Variants in CYBRD1 observed in about 807,000 individuals in gnomAD.
CYBRD1 encodes the protein plasma membrane ascorbate-dependent reductase CYBRD1.
A neutral mutation model predicts 21.9 loss-of-function variants in CYBRD1; 14 were observed. The ratio of observed to expected loss-of-function variants is 0.64; its 90% CI spans 0.42 to 1.00. The LOEUF (loss-of-function observed/expected upper bound fraction) is 1.00, where lower values mean the gene tolerates loss of function less well. CYBRD1 is among the 50% of genes least tolerant of loss of function. CYBRD1 has a pLI of 0.00. For missense variants in CYBRD1, 328 were observed against 352.5 expected, an observed-to-expected ratio of 0.93 and a Z score of 0.56; for synonymous variants, 146 against 136.5, an observed-to-expected ratio of 1.07 and a Z score of -0.48.
At position 171,541,697 on chromosome 2, in the gene CYBRD1, G is replaced by A; in HGVS notation, c.306G>A (p.Val102=). ...CCATTCTTGCAATTATCTCTGTGGT[G>A]GCCGTGTTTGAGAACCACAATGTTA... ...VAAILAIISV[V]AVFENHNVNN... The change falls in exon 2 of 4, where the codon GTG becomes GTA. Residue 102 remains valine (V), a synonymous_variant. Transcript: ENST00000321348. 6.2e-7 allele frequency: 1 copy of A among 1,613,236 alleles called. No individual in the cohort carries two copies. Among genetic ancestry groups the A allele is most frequent in the Non-Finnish European group, 8.5e-7 (1 of 1,179,826 alleles).
At chr2:171,531,284 T>C (rs751598172) in intron 1 of CYBRD1, among the ~76,000 whole-genome samples, 4 of 152,230 alleles carry the variant, frequency 2.6e-5, no homozygotes, top group Non-Finnish European at 5.9e-5. Context: ...TTTCTAAGTT[T>C]TTGTTGTTGT....
Position 171,541,648 on chromosome 2 carries a change from A to G in CYBRD1, c.257A>G (p.His86Arg), listed in dbSNP as rs1291172726. Residue 86 changes from histidine to arginine, a missense_variant, in exon 2 of 4, where the codon CAT becomes CGT. Physicochemically the swap from His to Arg is conservative, Grantham distance 29 (BLOSUM62 0). Coordinates refer to ENST00000321348, the MANE Select transcript of CYBRD1 (RefSeq NM_024843.4). Reference sequence around the variant, plus strand: ...AGCAAGCTCCTGATGAAATCCATCCATGCAGGGTTAAATGCAGTTGCTGCC... The same window carrying G: ...AGCAAGCTCCTGATGAAATCCATCCGTGCAGGGTTAAATGCAGTTGCTGCC... ...KCSKLLMKSI[H>R]AGLNAVAAIL... 2 of 1,613,938 alleles carry G rather than the reference A, an allele frequency of 1.2e-6. No individual in the cohort carries two copies. Among genetic ancestry groups the G allele is most frequent in the East Asian group, 2.2e-5 (1 of 44,852 alleles).
In CYBRD1 at chr2:171,522,962, G is replaced by C; in HGVS notation, c.193+224G>C. The C allele has an allele frequency of 1.5e-6, 1 of 660,354 alleles. No homozygotes were observed. Among genetic ancestry groups the C allele is most frequent in the Non-Finnish European group, 2.4e-6 (1 of 411,504 alleles). The allele number at this position is 660,354 out of a possible 1,614,324, so 40.9% of individuals were successfully genotyped here. On this transcript the variant is annotated intron_variant, in intron 1 of 3. Coordinates refer to ENST00000321348, the MANE Select transcript of CYBRD1 (RefSeq NM_024843.4). This position sits in a 1 kb window ranked among gnomAD's most constrained non-coding sequence, Gnocchi z 4.3. ...GGTTCAGGAGGATCGCCGCGAGCGC[G>C]GGGCCGGGGGTGCGCGGTGGAGACG...
chr2:171,522,362 G>C (rs928329042), upstream of CYBRD1: 7 of 1,500,230 alleles, frequency 4.7e-6, no homozygotes, highest in African/African-American at 8.4e-5. The surrounding 1 kb of genome is among the most constrained non-coding windows in gnomAD (Gnocchi z 4.3). Context: ...TTCTGAGTTG[G>C]GGCCAGCTCC....
At chr2:171,547,435 CTTT>C (rs35411294) in intron 2 of CYBRD1, among the ~76,000 whole-genome samples, 3,510 of 136,950 alleles carry the variant, frequency 0.026, 119 homozygotes, top group African/African-American at 0.088. Flanking sequence ...TTTGGGTGCT[CTTT>C]TTTTTTTTTT....
At chr2:171,525,962 A>C (rs1168786835) in intron 1 of CYBRD1, among the ~76,000 whole-genome samples, 2 of 151,108 alleles carry the variant, frequency 1.3e-5, no homozygotes, top group Non-Finnish European at 3.0e-5. Flanking sequence ...AAAAAAAAAA[A>C]AAAAAAAAAA....
chr2:171,536,868 A>T (rs1697553386), intron 1 of CYBRD1, among the ~76,000 whole-genome samples: 1 of 151,632 alleles, frequency 6.6e-6, no homozygotes, highest in African/African-American at 2.4e-5. Flanking sequence ...AATCCTGAGT[A>T]TTTTTTTTTT....
rs1160971284 is a variant in CYBRD1, at chr2:171,556,098, C to G, written c.*1271C>G. The G allele has an allele frequency of 6.6e-6, 1 of 152,350 alleles. No homozygotes were observed. The highest frequency in any genetic ancestry group is 1.9e-4 in the East Asian group (1 of 5,196). The allele number at this position is 152,350 out of a possible 1,614,324, so 9.4% of individuals were successfully genotyped here. On this transcript the variant is annotated 3_prime_UTR_variant, in exon 4 of 4. Coordinates refer to ENST00000321348, the MANE Select transcript of CYBRD1 (RefSeq NM_024843.4). ...ACTACTGCCAACAAGCCATGGCCTA[C>G]CTTGACACTTGTTTGATCTTAAAAT...
intron 2 of CYBRD1, among the ~76,000 whole-genome samples, chr2:171,542,542 A>G (rs1355136125): frequency 6.6e-6 from 1 of 152,166 alleles, no homozygotes; most frequent in Admixed American, 6.5e-5. Flanking sequence ...AGAGAGACTG[A>G]TCTAACAATT....
At chr2:171,543,638 A>G (rs1477610880) in intron 2 of CYBRD1, among the ~76,000 whole-genome samples, 3 of 152,200 alleles carry the variant, frequency 2.0e-5, no homozygotes, top group Non-Finnish European at 4.4e-5. Flanking sequence ...ATTAAATAAT[A>G]TTGATTAATT....
chr2:171,522,473 G>A, upstream of CYBRD1: 2 of 1,542,814 alleles, frequency 1.3e-6, no homozygotes, highest in South Asian at 1.2e-5. This position sits in a 1 kb window ranked among gnomAD's most constrained non-coding sequence, Gnocchi z 4.3. Context: ...CCCGCCGCCC[G>A]GCCACTACCC....
At chr2:171,541,029 G>T (rs1199108727) in intron 1 of CYBRD1, 1 of 165,696 alleles carries the variant, frequency 6.0e-6, no homozygotes, top group Non-Finnish European at 1.3e-5. Flanking sequence ...CTCTCAAAGT[G>T]CTGGGATTAC....
chr2:171,539,080 G>A (rs1252473821), intron 1 of CYBRD1, among the ~76,000 whole-genome samples: 4 of 152,088 alleles, frequency 2.6e-5, no homozygotes, highest in South Asian at 2.1e-4. Context: ...TTACAGCACC[G>A]AGTGGCTCAC....
chr2:171,545,545 A>AT (rs35880894), intron 2 of CYBRD1, among the ~76,000 whole-genome samples: 10,705 of 121,526 alleles, frequency 0.088, 580 homozygotes, highest in Middle Eastern at 0.16. Context: ...CATGTGGCTA[A>AT]TTTTTTTTTT....
chr2:171,546,989 A>T (rs1697725784), intron 2 of CYBRD1, among the ~76,000 whole-genome samples: 1 of 152,188 alleles, frequency 6.6e-6, no homozygotes, highest in African/African-American at 2.4e-5. Flanking sequence ...GGTGGCCTAG[A>T]GGAGTAGCAG....
rs1195225139 is a variant in CYBRD1, at chr2:171,554,922, G to C, written c.*95G>C. 8.5e-6 allele frequency: 11 copies of C among 1,290,596 alleles called. No homozygotes were observed. The allele number at this position is 1,290,596 out of a possible 1,614,324, so 79.9% of individuals were successfully genotyped here. A position where few individuals can be genotyped will look rare whatever the true frequency, so the allele number is the denominator to read the frequency against. On this transcript the variant is annotated 3_prime_UTR_variant, in exon 4 of 4. Coordinates refer to ENST00000321348, the MANE Select transcript of CYBRD1 (RefSeq NM_024843.4). The stretch of plus-strand genomic sequence containing the variant: ...AGCCATATGATAATTGGGCTATGTA[G>C]TATCAATATTTACTTTAATCACAAA...
chr2:171,522,871 C>G lies in CYBRD1; in HGVS notation c.193+133C>G. The G allele has an allele frequency of 7.0e-7, 1 of 1,432,102 alleles. No individual in the cohort carries two copies. Among genetic ancestry groups the G allele is most frequent in the Non-Finnish European group, 9.4e-7 (1 of 1,065,008 alleles). 88.7% of individuals were successfully genotyped at this position (1,432,102 alleles called of 1,614,324 possible). ...GGGCCCGGAGGAGTGCGGTGAGGAG[C>G]GCGCGGGAAGCCAAGTCGGCTGGGC... is the stretch of plus-strand genomic sequence containing the variant. On this transcript the variant is annotated intron_variant, in intron 1 of 3. Coordinates refer to ENST00000321348, the MANE Select transcript of CYBRD1 (RefSeq NM_024843.4). This position sits in a 1 kb window ranked among gnomAD's most constrained non-coding sequence, Gnocchi z 4.3.
chr2:171,541,814 A>T (rs753238747), intron 2 of CYBRD1, 21 bp downstream of exon 2: 1 of 1,577,446 alleles, frequency 6.3e-7, no homozygotes, highest in African/African-American at 1.4e-5. Flanking sequence ...CAGTGTATTT[A>T]CAAGCAAGTT....
chr2:171,552,561 A>G (rs563197148), intron 2 of CYBRD1, among the ~76,000 whole-genome samples: 6 of 152,292 alleles, frequency 3.9e-5, no homozygotes, highest in East Asian at 3.9e-4. Context: ...CATCTGAAAA[A>G]AAATGTTCCT....
Sources: gnomAD v4.1 joint callset for allele counts (sites outside exome capture counted in the v4.1 genomes callset) on GRCh38, gnomAD v4.1.1 for gene constraint, Gnocchi (gnomAD v3.1) non-coding constraint, MANE v1.5 for transcripts, NCBI Gene and HGNC (gene_info 2026-07-23, HGNC 2026-07-21) for gene names.